The following CNTNAP2 variants were observed in gnomAD, a reference collection of about 807,000 sequenced individuals.
CNTNAP2 encodes the protein contactin associated protein 2.
CNTNAP2 carries 98 observed loss-of-function variants against 155.2 expected under a neutral mutation model. The ratio of observed to expected loss-of-function variants is 0.63; its 90% CI spans 0.54 to 0.75. The LOEUF (loss-of-function observed/expected upper bound fraction) is 0.75. Ranked by LOEUF, CNTNAP2 falls within the 30% of genes least tolerant of loss-of-function variation. The probability of loss-of-function intolerance (pLI) is 0.00; values close to 1 mark genes in which losing one functional copy is unlikely to be tolerated. For missense variants in CNTNAP2, 1,727 were observed against 1,688.1 expected, an observed-to-expected ratio of 1.02 and a Z score of -0.40; for synonymous variants, 651 against 631.2, an observed-to-expected ratio of 1.03 and a Z score of -0.47.
intron 10 of CNTNAP2, among the ~76,000 whole-genome samples, chr7:147,462,641 A>G (rs1798044663): frequency 6.6e-6 from 1 of 152,266 alleles, no homozygotes; most frequent in African/African-American, 2.4e-5. Context: ...ATACCATAGT[A>G]ACCAGAACTT....
intron 13 of CNTNAP2, chr7:147,704,255 C>G: frequency 6.5e-6 from 1 of 153,538 alleles, no homozygotes. Context: ...GGAAATTTGT[C>G]GTTTTCTCCC....
At chr7:146,709,258 G>A (rs1402311387) in intron 1 of CNTNAP2, among the ~76,000 whole-genome samples, 1 of 152,132 alleles carries the variant, frequency 6.6e-6, no homozygotes, top group Non-Finnish European at 1.5e-5. Context: ...TAACTCACTA[G>A]TAGCAGAACT....
At chr7:147,139,471 C>T (rs1801553292) in intron 8 of CNTNAP2, among the ~76,000 whole-genome samples, 2 of 152,008 alleles carry the variant, frequency 1.3e-5, no homozygotes, top group Non-Finnish European at 2.9e-5. Context: ...AAACACAAAG[C>T]AGTCATTGGT....
At chr7:148,226,142 T>C (rs2116772537) in intron 19 of CNTNAP2, among the ~76,000 whole-genome samples, 1 of 152,302 alleles carries the variant, frequency 6.6e-6, no homozygotes, top group South Asian at 2.1e-4. Flanking sequence ...ACTTCTTGAC[T>C]GGAATATCAT....
At chr7:146,571,332 A>T (rs1798436759) in intron 1 of CNTNAP2, among the ~76,000 whole-genome samples, 1 of 152,092 alleles carries the variant, frequency 6.6e-6, no homozygotes, top group South Asian at 2.1e-4. Flanking sequence ...TGAATGAATG[A>T]TTATTTTACA....
chr7:146,579,393 C>A (rs909577359), intron 1 of CNTNAP2, among the ~76,000 whole-genome samples: 3 of 151,980 alleles, frequency 2.0e-5, no homozygotes, highest in Non-Finnish European at 1.5e-5. Flanking sequence ...AATATAGACA[C>A]CTATACACCA....
At chr7:148,113,930 C>T (rs4726923) in intron 15 of CNTNAP2, among the ~76,000 whole-genome samples, 65,241 of 152,076 alleles carry the variant, frequency 0.43, 16,296 homozygotes, top group East Asian at 0.75. Flanking sequence ...TCTGTTCTGT[C>T]TCACATCTTT....
intron 15 of CNTNAP2, among the ~76,000 whole-genome samples, chr7:148,037,769 A>T (rs1459016264): frequency 6.6e-6 from 1 of 152,236 alleles, no homozygotes; most frequent in African/African-American, 2.4e-5. Flanking sequence ...ATTAAAGCTT[A>T]TCATAGACAT....
At chr7:146,486,548 A>G (rs1169417032) in intron 1 of CNTNAP2, among the ~76,000 whole-genome samples, 1 of 152,186 alleles carries the variant, frequency 6.6e-6, no homozygotes, top group East Asian at 1.9e-4. Context: ...TGGCTGCTAC[A>G]GCATTAACTT....
chr7:147,905,645 G>T lies in CNTNAP2; in HGVS notation c.2255+1924G>T, dbSNP rs1014909468. Among the ~76,000 whole-genome samples, 5 of 152,346 alleles carry T rather than the reference G, an allele frequency of 3.3e-5. No homozygotes were observed. In the South Asian group the frequency reaches 1.0e-3, roughly 32 times the overall value. ...CGCCTATAATCCCAGCACTTTGGGA[G>T]GCCGAGGCCAGCAGATCACCTGAGG... On this transcript the variant is annotated intron_variant, in intron 14 of 23. Transcript: ENST00000361727.
At chr7:147,304,961 G>A (rs1271602298) in intron 9 of CNTNAP2, among the ~76,000 whole-genome samples, 3 of 152,072 alleles carry the variant, frequency 2.0e-5, no homozygotes, top group Admixed American at 6.6e-5. Context: ...TCTCATCGAA[G>A]AAAAATAGAG....
intron 1 of CNTNAP2, among the ~76,000 whole-genome samples, chr7:146,239,463 A>T (rs1304379529): frequency 6.6e-6 from 1 of 152,200 alleles, no homozygotes; most frequent in African/African-American, 2.4e-5. Flanking sequence ...CCTTAGGCAC[A>T]GTTTTCTCAG....
At chr7:147,215,713 G>A (rs1803253805) in intron 8 of CNTNAP2, among the ~76,000 whole-genome samples, 1 of 152,152 alleles carries the variant, frequency 6.6e-6, no homozygotes, top group African/African-American at 2.4e-5. Flanking sequence ...ACCAAGAAGT[G>A]AGATTGCTGG....
chr7:146,463,160 A>G (rs1796664129), intron 1 of CNTNAP2, among the ~76,000 whole-genome samples: 1 of 152,162 alleles, frequency 6.6e-6, no homozygotes, highest in South Asian at 2.1e-4. Flanking sequence ...AATAAAAACA[A>G]AAAGGAGAGT....
intron 21 of CNTNAP2, among the ~76,000 whole-genome samples, chr7:148,371,702 T>C (rs939251052): frequency 2.6e-5 from 4 of 152,232 alleles, no homozygotes; most frequent in Admixed American, 6.5e-5. Context: ...ATTAAGCAAT[T>C]TCATCATTAT....
chr7:146,879,526 A>G (rs1225143612), intron 3 of CNTNAP2, among the ~76,000 whole-genome samples: 1 of 151,968 alleles, frequency 6.6e-6, no homozygotes, highest in Non-Finnish European at 1.5e-5. Context: ...TGTTACAGAC[A>G]CTCTTATGAG....
chr7:146,852,242 G>A (rs571407371), intron 3 of CNTNAP2, among the ~76,000 whole-genome samples: 5 of 152,148 alleles, frequency 3.3e-5, no homozygotes, highest in African/African-American at 1.2e-4. Context: ...GGTGTTGATA[G>A]GGGTGTGTCT....
chr7:146,245,365 G>A (rs1799628736), intron 1 of CNTNAP2, among the ~76,000 whole-genome samples: 3 of 152,160 alleles, frequency 2.0e-5, no homozygotes, highest in African/African-American at 7.2e-5. Flanking sequence ...CGTCAGCTAT[G>A]AGGAAGAAAA....
At chr7:147,518,071 G>A (rs1024752030) in intron 11 of CNTNAP2, among the ~76,000 whole-genome samples, 1 of 152,092 alleles carries the variant, frequency 6.6e-6, no homozygotes, top group Non-Finnish European at 1.5e-5. Flanking sequence ...TTGTTTAAGA[G>A]TATATAGTTA....
Sources: gnomAD v4.1 joint callset for allele counts (sites outside exome capture counted in the v4.1 genomes callset) on GRCh38, gnomAD v4.1.1 for gene constraint, MANE v1.5 for transcripts, NCBI Gene and HGNC (gene_info 2026-07-23, HGNC 2026-07-21) for gene names.